Variants in GLYR1 observed in about 807,000 individuals in gnomAD.
GLYR1 encodes the protein glyoxylate reductase 1 homolog, also known as cytokine-like nuclear factor N-PAC.
GLYR1 carries 21 observed loss-of-function variants against 72.7 expected under a neutral mutation model. The ratio of observed to expected loss-of-function variants is 0.29; its 90% CI spans 0.20 to 0.42. The LOEUF is 0.42. GLYR1 is among the 10% of genes least tolerant of loss of function. GLYR1 has a pLI of 1.00. For missense variants in GLYR1, 594 were observed against 712.1 expected, an observed-to-expected ratio of 0.83 and a Z score of 1.89; for synonymous variants, 392 against 270.2, an observed-to-expected ratio of 1.45 and a Z score of -4.42.
chr16:4,809,650 G>T (rs1404295303), intron 15 of GLYR1, among the ~76,000 whole-genome samples: 1 of 150,068 alleles, frequency 6.7e-6, no homozygotes, highest in East Asian at 2.0e-4. Context: ...GCAGCTGGTT[G>T]TGGTGGTTCA....
chr16:4,846,804 T>C, intron 1 of GLYR1: 1 of 262,906 alleles, frequency 3.8e-6, no homozygotes, highest in South Asian at 4.2e-5. Context: ...GCCGCACAGG[T>C]CGGCTGCATC....
intron 4 of GLYR1, chr16:4,832,508 G>T (rs1280726136): frequency 3.5e-6 from 2 of 570,664 alleles, no homozygotes; most frequent in Non-Finnish European, 6.0e-6. Flanking sequence ...ATGAAAGGAA[G>T]AAATGGCCTG....
chr16:4,813,226 G>A (rs865801466), intron 12 of GLYR1, among the ~76,000 whole-genome samples: 1 of 152,072 alleles, frequency 6.6e-6, no homozygotes, highest in Admixed American at 6.5e-5. Flanking sequence ...GCCTCCCAAA[G>A]TGCTGGGATT....
intron 1 of GLYR1, among the ~76,000 whole-genome samples, 179 bp from the exon 2 acceptor site, chr16:4,846,389 T>C (rs1383348607): frequency 6.6e-6 from 1 of 152,244 alleles, no homozygotes; most frequent in Admixed American, 6.5e-5. Context: ...TATACTTATG[T>C]GCACAACGCA....
chr16:4,834,350 G>C (rs2142021526), intron 3 of GLYR1, among the ~76,000 whole-genome samples: 1 of 147,640 alleles, frequency 6.8e-6, no homozygotes, highest in African/African-American at 2.6e-5. Flanking sequence ...GCCCAGGCTG[G>C]AGTGCAATGG....
intron 15 of GLYR1, 41 bp downstream of exon 15, chr16:4,811,129 G>GAA (rs762202806): frequency 6.5e-7 from 1 of 1,537,252 alleles, no homozygotes; most frequent in East Asian, 2.3e-5. Context: ...GAAAGAAAAA[G>GAA]AAACTGAAGG....
At chr16:4,835,702 G>A (rs1490346078) in intron 3 of GLYR1, among the ~76,000 whole-genome samples, 1 of 152,120 alleles carries the variant, frequency 6.6e-6, no homozygotes, top group Non-Finnish European at 1.5e-5. Context: ...GTAGTGGCAC[G>A]CAGCTGTAAT....
chr16:4,836,721 G>A (rs1367069806), intron 3 of GLYR1, among the ~76,000 whole-genome samples: 1 of 152,006 alleles, frequency 6.6e-6, no homozygotes. Flanking sequence ...ATCAGAAACT[G>A]GTCTAACTGG....
intron 15 of GLYR1, among the ~76,000 whole-genome samples, chr16:4,806,538 A>AT (rs375535581): frequency 8.3e-5 from 12 of 145,354 alleles, no homozygotes; most frequent in South Asian, 2.2e-4. Flanking sequence ...CTAGTTTTTT[A>AT]TTTTTTTTTG....
intron 10 of GLYR1, among the ~76,000 whole-genome samples, chr16:4,817,067 C>G (rs1416537882): frequency 6.6e-6 from 1 of 151,366 alleles, no homozygotes; most frequent in Non-Finnish European, 1.5e-5. Context: ...CCTCAGCCTC[C>G]TGAGTAACTG....
chr16:4,832,758 A>G lies in GLYR1; in HGVS notation c.294+16T>C. 1.3e-6 allele frequency: 2 copies of G among 1,597,542 alleles called. No homozygotes were observed. The highest frequency in any genetic ancestry group is 1.7e-6 in the Non-Finnish European group (2 of 1,171,124). On this transcript the variant is annotated intron_variant, in intron 4 of 15. Coordinates refer to ENST00000321919, the MANE Select transcript of GLYR1 (RefSeq NM_032569.4). ...CCAGTCTGGCATTGGTAGAAAGTGAACATTGTGTCTCTCACCTGGTCTTTC... is the reference window on the plus strand; with the variant it reads ...CCAGTCTGGCATTGGTAGAAAGTGAGCATTGTGTCTCTCACCTGGTCTTTC...
intron 3 of GLYR1, among the ~76,000 whole-genome samples, chr16:4,841,442 G>A (rs1254524264): frequency 8.6e-5 from 8 of 92,560 alleles, no homozygotes; most frequent in Admixed American, 3.6e-4. Context: ...GAAACATGGC[G>A]AGAACTTGTC....
intron 15 of GLYR1, among the ~76,000 whole-genome samples, chr16:4,808,000 C>A (rs1347321474): frequency 2.6e-5 from 4 of 152,074 alleles, no homozygotes; most frequent in African/African-American, 9.7e-5. Context: ...CTTTGGGAGG[C>A]CAAGGCAGGC....
chr16:4,819,374 C>G (rs1243755069), intron 9 of GLYR1, among the ~76,000 whole-genome samples: 1 of 152,076 alleles, frequency 6.6e-6, no homozygotes, highest in African/African-American at 2.4e-5. Flanking sequence ...GGGGGGTGAT[C>G]ATAGCTCACC....
At chr16:4,806,615 C>T (rs2082992627) in intron 15 of GLYR1, among the ~76,000 whole-genome samples, 2 of 149,006 alleles carry the variant, frequency 1.3e-5, no homozygotes, top group South Asian at 2.1e-4. Context: ...TAAGCCTCGA[C>T]CCTGCCTCGA....
Position 4,805,034 on chromosome 16 carries a change from C to A in GLYR1, c.*202G>T, listed in dbSNP as rs2082889892. ...CTCAAGAGCTTTCCCACACGCCAAT[C>A]CTGCTGACACTTGTCCCCTCCCCAC... On this transcript the variant is annotated 3_prime_UTR_variant, in exon 16 of 16. Transcript: ENST00000321919. The A allele has an allele frequency of 3.4e-5, 20 of 590,970 alleles. No homozygotes were observed. The East Asian group carries it at 5.7e-4, about 17-fold the overall frequency. 36.6% of individuals were successfully genotyped at this position (590,970 alleles called of 1,614,324 possible).
chr16:4,814,675 G>A (rs1308173870), intron 10 of GLYR1, 28 bp from the exon 11 acceptor site: 1 of 1,527,230 alleles, frequency 6.5e-7, no homozygotes, highest in African/African-American at 1.4e-5. Context: ...CCTAACGTGA[G>A]CTGCAGGCAG....
chr16:4,822,816 G>A, intron 7 of GLYR1, 59 bp downstream of exon 7: 7 of 1,402,304 alleles, frequency 5.0e-6, no homozygotes, highest in Non-Finnish European at 7.1e-6. Context: ...AGGACCCAGT[G>A]GAGGAGCACT....
chr16:4,815,991 G>C (rs1013399491), intron 10 of GLYR1, among the ~76,000 whole-genome samples: 3 of 151,852 alleles, frequency 2.0e-5, no homozygotes, highest in Non-Finnish European at 4.4e-5. Flanking sequence ...CCGAGGTCTC[G>C]ATCTCCTGAC....
Sources: gnomAD v4.1 joint callset for allele counts (sites outside exome capture counted in the v4.1 genomes callset) on GRCh38, gnomAD v4.1.1 for gene constraint, MANE v1.5 for transcripts, NCBI Gene and HGNC (gene_info 2026-07-23, HGNC 2026-07-21) for gene names.